Variants in DYNC1I2 observed in about 807,000 individuals in gnomAD.
The protein encoded by DYNC1I2 is dynein cytoplasmic 1 intermediate chain 2.
Under a neutral mutation model 88.6 loss-of-function variants are expected in DYNC1I2, and 53 were observed. That is an observed-to-expected ratio of 0.60 (90% CI 0.48 to 0.75). The LOEUF is 0.75. Ranked by LOEUF, DYNC1I2 falls within the 30% of genes least tolerant of loss-of-function variation. DYNC1I2 has a pLI of 0.00. For synonymous variants in DYNC1I2, 198 were observed against 254.6 expected, an observed-to-expected ratio of 0.78 and a Z score of 2.12; for missense variants, 458 against 766.6, an observed-to-expected ratio of 0.60 and a Z score of 4.75.
At position 171,748,130 on chromosome 2, in the gene DYNC1I2, A is replaced by G; in HGVS notation, c.*241A>G. On this transcript the variant is annotated 3_prime_UTR_variant, in exon 18 of 18. Transcript: ENST00000397119. ...ACAGAAAGCAGCTTTTTTGAATTCT[A>G]ATACATAGGTGTATATTTGGTATTA... is the stretch of plus-strand genomic sequence containing the variant. 2.3e-6 allele frequency: 1 copy of G among 435,838 alleles called. No homozygotes were observed. Among genetic ancestry groups the G allele is most frequent in the Non-Finnish European group, 4.1e-6 (1 of 244,832 alleles). 27.0% of individuals were successfully genotyped at this position (435,838 alleles called of 1,614,324 possible). A position where few individuals can be genotyped will look rare whatever the true frequency, so the allele number is the denominator to read the frequency against.
chr2:171,746,944 A>G (rs887900039), intron 17 of DYNC1I2, among the ~76,000 whole-genome samples: 4 of 152,048 alleles, frequency 2.6e-5, no homozygotes, highest in African/African-American at 9.7e-5. Flanking sequence ...CTGTAATCCC[A>G]GCACTTTGGG....
chr2:171,706,609 C>T (rs372954111), intron 4 of DYNC1I2, 45 bp downstream of exon 4: 176 of 1,558,046 alleles, frequency 1.1e-4, no homozygotes, highest in African/African-American at 1.1e-3. Flanking sequence ...TTGCATGCAT[C>T]ACTTTATGTT....
At chr2:171,731,131 C>T (rs899248623) in intron 15 of DYNC1I2, among the ~76,000 whole-genome samples, 9 of 152,188 alleles carry the variant, frequency 5.9e-5, no homozygotes, top group East Asian at 3.9e-4. Context: ...TAATGGGGAT[C>T]GGACAGAGCC....
chr2:171,729,869 A>ATATC lies in DYNC1I2; in HGVS notation c.1536+17_1536+18insATCT. 1 of 1,613,038 alleles carries ATATC rather than the reference A, an allele frequency of 6.2e-7. No homozygotes were observed. The highest frequency in any genetic ancestry group is 8.5e-7 in the Non-Finnish European group (1 of 1,179,346). On this transcript the variant is annotated intron_variant, in intron 15 of 17. Coordinates refer to ENST00000397119, the MANE Select transcript of DYNC1I2 (RefSeq NM_001378.3). ...GACAACTAAGGTATCTAAAATATAG[A>ATATC]TGTCTGCTATTTGCTCAGGTTTCTG...
chr2:171,740,924 A>G (rs1689377992), intron 15 of DYNC1I2, among the ~76,000 whole-genome samples: 1 of 152,188 alleles, frequency 6.6e-6, no homozygotes, highest in Non-Finnish European at 1.5e-5. Context: ...AATTTTAGAA[A>G]GAAAAATTAT....
Position 171,744,217 on chromosome 2 carries a change from T to C in DYNC1I2, c.1677+28T>C, listed in dbSNP as rs986197145. On this transcript the variant is annotated intron_variant, in intron 16 of 17. Transcript: ENST00000397119. ...GAGCAGGAAAATAACAAAAATTGCATTGAAAAATAGAAAATTGGATATTTA... is the reference window on the plus strand; with the variant it reads ...GAGCAGGAAAATAACAAAAATTGCACTGAAAAATAGAAAATTGGATATTTA... 3 of 1,561,360 alleles carry C rather than the reference T, an allele frequency of 1.9e-6. No homozygotes were observed. The Admixed American group carries it at 6.4e-5, about 33-fold the overall frequency.
intron 14 of DYNC1I2, among the ~76,000 whole-genome samples, 153 bp from the exon 15 acceptor site, chr2:171,729,556 C>T (rs1417648855): frequency 6.6e-6 from 1 of 152,162 alleles, no homozygotes. Flanking sequence ...GATGGAATAA[C>T]ACTCAACAAA....
chr2:171,707,470 C>A, intron 5 of DYNC1I2, 93 bp downstream of exon 5: 4 of 1,053,280 alleles, frequency 3.8e-6, no homozygotes, highest in East Asian at 2.8e-5. Context: ...ATAGTTGTGT[C>A]GAGTTAGTCC....
chr2:171,729,846 C>A lies in DYNC1I2; in HGVS notation c.1529C>A (p.Thr510Lys). 2 of 1,613,520 alleles carry A rather than the reference C, an allele frequency of 1.2e-6. No homozygotes were observed. The highest frequency in any genetic ancestry group is 1.3e-5 in the African/African-American group (1 of 75,014). ...TTTGACTGGACAGTAAAGCTTTGGA[C>A]AACTAAGGTATCTAAAATATAGATG... ...SSFDWTVKLW[T>K]TKNNKPLYSF... The change falls in exon 15 of 18, where the codon ACA becomes AAA. Residue 510 changes from threonine to lysine, a missense_variant. Coordinates refer to ENST00000397119, the MANE Select transcript of DYNC1I2 (RefSeq NM_001378.3).
intron 7 of DYNC1I2, among the ~76,000 whole-genome samples, chr2:171,715,873 T>C (rs1687454300): frequency 6.6e-6 from 1 of 152,198 alleles, no homozygotes; most frequent in Non-Finnish European, 1.5e-5. Context: ...ATGTTATTCA[T>C]ACTAATGAAC....
At chr2:171,711,016 C>G (rs1687085178) in intron 5 of DYNC1I2, among the ~76,000 whole-genome samples, 1 of 139,390 alleles carries the variant, frequency 7.2e-6, no homozygotes, top group Non-Finnish European at 1.6e-5. Context: ...TATCCCTCCC[C>G]CCTCCCCTCA....
At chr2:171,728,192 A>G in intron 12 of DYNC1I2, 113 bp from the exon 13 acceptor site, 1 of 729,270 alleles carries the variant, frequency 1.4e-6, no homozygotes, top group African/African-American at 1.8e-5. Flanking sequence ...TCACATTAAG[A>G]ATACCCACAA....
intron 17 of DYNC1I2, among the ~76,000 whole-genome samples, chr2:171,747,207 T>TTATATATATATATATATATATATATA (rs67834157): frequency 5.6e-5 from 7 of 124,674 alleles, no homozygotes; most frequent in African/African-American, 1.2e-4. Context: ...AAAAAAAAAA[T>TTATATATATATATATATATATATATA]TATATATATA....
At chr2:171,718,078 T>C (rs1687642339) in intron 7 of DYNC1I2, among the ~76,000 whole-genome samples, 1 of 151,468 alleles carries the variant, frequency 6.6e-6, no homozygotes, top group South Asian at 2.1e-4. Flanking sequence ...TGCCTCAGCC[T>C]CCTGAGTAGC....
intron 3 of DYNC1I2, among the ~76,000 whole-genome samples, chr2:171,694,700 G>A (rs553403076): frequency 6.6e-6 from 1 of 152,250 alleles, no homozygotes; most frequent in African/African-American, 2.4e-5. Flanking sequence ...GGCTCTGCAA[G>A]CTTTACAGGA....
chr2:171,733,005 C>T (rs1381166542), intron 15 of DYNC1I2, among the ~76,000 whole-genome samples: 2 of 152,138 alleles, frequency 1.3e-5, no homozygotes, highest in East Asian at 1.9e-4. Flanking sequence ...GCTCACCCTT[C>T]GATAGGCCCC....
chr2:171,727,093 A>G (rs1373461865), intron 11 of DYNC1I2, among the ~76,000 whole-genome samples, 177 bp downstream of exon 11: 3 of 152,172 alleles, frequency 2.0e-5, no homozygotes, highest in African/African-American at 7.2e-5. Context: ...TCAGTTCAAC[A>G]TGATCTGCCT....
intron 7 of DYNC1I2, among the ~76,000 whole-genome samples, chr2:171,723,213 A>C (rs1457759271): frequency 6.6e-6 from 1 of 152,162 alleles, no homozygotes; most frequent in African/African-American, 2.4e-5. Context: ...CGTATAATAC[A>C]ACAAAGTTGA....
intron 3 of DYNC1I2, among the ~76,000 whole-genome samples, chr2:171,701,250 A>C (rs1046809930): frequency 6.6e-6 from 1 of 152,074 alleles, no homozygotes; most frequent in Admixed American, 6.5e-5. Flanking sequence ...CAGTGGCACG[A>C]TCTCCACCTC....
Sources: allele counts gnomAD v4.1 joint callset (sites outside exome capture counted in the v4.1 genomes callset), GRCh38; gene constraint gnomAD v4.1.1; transcripts MANE v1.5; gene names NCBI Gene and HGNC (gene_info 2026-07-23, HGNC 2026-07-21).